Variants in COL25A1 observed in about 807,000 individuals in gnomAD.
The protein encoded by COL25A1 is collagen type XXV alpha 1 chain, also known as collagen alpha-1(XXV) chain.
COL25A1 carries 103 observed loss-of-function variants against 128.4 expected under a neutral mutation model. The observed-to-expected ratio is 0.80, with a 90% CI of 0.68 to 0.94. The LOEUF (loss-of-function observed/expected upper bound fraction) is 0.94. COL25A1 is among the 40% of genes least tolerant of loss of function. The pLI is 0.00. For synonymous variants in COL25A1, 279 were observed against 277.2 expected (o/e 1.01, Z -0.06); for missense variants, 745 against 840.0 (o/e 0.89, Z 1.40).
intron 3 of COL25A1, among the ~76,000 whole-genome samples, chr4:109,253,667 T>C (rs1047138988): frequency 6.6e-6 from 1 of 152,210 alleles, no homozygotes; most frequent in African/African-American, 2.4e-5. Context: ...AAACATTTAC[T>C]TTAATCTAAC....
At chr4:109,014,648 TTAC>T (rs1192030606) in intron 5 of COL25A1, among the ~76,000 whole-genome samples, 1 of 152,198 alleles carries the variant, frequency 6.6e-6, no homozygotes, top group Non-Finnish European at 1.5e-5. Context: ...AAATGACTGT[TTAC>T]TACTAAAAAC....
At chr4:108,863,633 G>A (rs1737534616) in intron 20 of COL25A1, among the ~76,000 whole-genome samples, 1 of 152,200 alleles carries the variant, frequency 6.6e-6, no homozygotes, top group Admixed American at 6.5e-5. Flanking sequence ...ATAAAGCACT[G>A]CTTCTGGGTT....
intron 6 of COL25A1, among the ~76,000 whole-genome samples, chr4:108,975,922 T>C (rs771519265): frequency 3.9e-5 from 6 of 152,136 alleles, no homozygotes; most frequent in African/African-American, 7.2e-5. Context: ...TGTAGGTAGA[T>C]GTAGAGTTAT....
chr4:108,865,020 C>T (rs1323561613), intron 20 of COL25A1, among the ~76,000 whole-genome samples: 1 of 152,030 alleles, frequency 6.6e-6, no homozygotes, highest in African/African-American at 2.4e-5. Flanking sequence ...AGGATAAATT[C>T]CTAGTTGGAA....
At chr4:109,055,338 T>C (rs1761360929) in intron 3 of COL25A1, among the ~76,000 whole-genome samples, 1 of 152,186 alleles carries the variant, frequency 6.6e-6, no homozygotes, top group South Asian at 2.1e-4. Context: ...CAGATTGCCA[T>C]ACTGAATTGC....
chr4:109,097,797 C>T (rs1026707588), intron 3 of COL25A1, among the ~76,000 whole-genome samples: 2 of 150,956 alleles, frequency 1.3e-5, no homozygotes, highest in Non-Finnish European at 2.9e-5. Context: ...CCCAGTAGCT[C>T]GTACCACAGG....
chr4:109,031,904 C>G (rs1406915918), intron 5 of COL25A1, among the ~76,000 whole-genome samples: 5 of 152,172 alleles, frequency 3.3e-5, no homozygotes, highest in Admixed American at 3.3e-4. Flanking sequence ...TTTCCTATAG[C>G]AGATGGGAAG....
intron 20 of COL25A1, among the ~76,000 whole-genome samples, chr4:108,863,909 A>C (rs1162531529): frequency 1.3e-5 from 2 of 152,078 alleles, no homozygotes; most frequent in Non-Finnish European, 2.9e-5. Flanking sequence ...AAGTTACACC[A>C]TCTGCCTCCC....
intron 10 of COL25A1, 71 bp downstream of exon 10, chr4:108,940,468 C>T: frequency 7.6e-7 from 1 of 1,309,208 alleles, no homozygotes; most frequent in Non-Finnish European, 1.1e-6. Flanking sequence ...CACCACCCTA[C>T]TCCACCCTAG....
intron 3 of COL25A1, among the ~76,000 whole-genome samples, chr4:109,092,580 C>T (rs934459195): frequency 6.6e-6 from 1 of 152,198 alleles, no homozygotes; most frequent in South Asian, 2.1e-4. Flanking sequence ...GGTCCACTCC[C>T]TCACCTTCTT....
chr4:109,065,840 T>A (rs931521373), intron 3 of COL25A1, among the ~76,000 whole-genome samples: 1 of 152,178 alleles, frequency 6.6e-6, no homozygotes, highest in African/African-American at 2.4e-5. Flanking sequence ...ATTCACTGTA[T>A]GGCAAGGTTT....
Position 109,168,208 on chromosome 4 carries a change from C to A in COL25A1, c.368-118029G>T, listed in dbSNP as rs1013806528. On this transcript the variant is annotated intron_variant, in intron 3 of 37. Coordinates refer to ENST00000399132, the MANE Select transcript of COL25A1 (RefSeq NM_198721.4). ...AAGGTTATGTGAAATTTTAGTATAT[C>A]CCTCTGAACTCTTCCTCCACTGAAA... Among the ~76,000 whole-genome samples, 3 of 152,222 alleles carry A rather than the reference C, an allele frequency of 2.0e-5. No homozygotes were observed. In the South Asian group the frequency reaches 6.2e-4, roughly 32 times the overall value.
chr4:108,904,337 C>A (rs1743207136), intron 13 of COL25A1, among the ~76,000 whole-genome samples: 2 of 152,042 alleles, frequency 1.3e-5, no homozygotes, highest in South Asian at 4.1e-4. Context: ...TATACATATA[C>A]ACATTAGGTG....
intron 19 of COL25A1, among the ~76,000 whole-genome samples, chr4:108,880,113 A>C (rs1309096278): frequency 6.6e-6 from 1 of 152,186 alleles, no homozygotes; most frequent in Non-Finnish European, 1.5e-5. Flanking sequence ...CTGGCCTAAA[A>C]ATCTATATTT....
chr4:108,825,118 G>T (rs1379957583), intron 34 of COL25A1, 78 bp downstream of exon 34: 2 of 1,161,246 alleles, frequency 1.7e-6, no homozygotes, highest in African/African-American at 3.1e-5. Context: ...AAAAAAAGAA[G>T]TATTCTTTTT....
At chr4:108,923,225 T>A (rs1745671212) in intron 11 of COL25A1, among the ~76,000 whole-genome samples, 1 of 152,244 alleles carries the variant, frequency 6.6e-6, no homozygotes, top group South Asian at 2.1e-4. Context: ...AATTAGGGTA[T>A]GTTGCTACCA....
intron 3 of COL25A1, among the ~76,000 whole-genome samples, chr4:109,137,271 C>T (rs762389984): frequency 9.6e-4 from 146 of 152,272 alleles, no homozygotes; most frequent in Admixed American, 4.4e-3. Flanking sequence ...GAGTAACACT[C>T]TCACATTAAG....
chr4:109,222,904 T>C (rs1176744333), intron 3 of COL25A1, among the ~76,000 whole-genome samples: 1 of 152,240 alleles, frequency 6.6e-6, no homozygotes, highest in Non-Finnish European at 1.5e-5. Flanking sequence ...TTTTATTAAT[T>C]CTTAAAAAAT....
At chr4:109,022,173 A>G (rs1757835016) in intron 5 of COL25A1, 1 of 453,450 alleles carries the variant, frequency 2.2e-6, no homozygotes, top group South Asian at 1.6e-5. Flanking sequence ...GGACCTGCCG[A>G]TATGTGATGT....
Sources: gnomAD v4.1 joint callset for allele counts (sites outside exome capture counted in the v4.1 genomes callset) on GRCh38, gnomAD v4.1.1 for gene constraint, MANE v1.5 for transcripts, NCBI Gene and HGNC (gene_info 2026-07-23, HGNC 2026-07-21) for gene names.